The following PDE4D variants were observed in gnomAD, a reference collection of about 807,000 sequenced individuals.
PDE4D encodes the protein 3',5'-cyclic-AMP phosphodiesterase 4D.
In PDE4D, 24 loss-of-function variants were observed where a neutral mutation model predicts 87.4. The ratio of observed to expected loss-of-function variants is 0.27; its 90% CI spans 0.20 to 0.39. The LOEUF (loss-of-function observed/expected upper bound fraction) is 0.39, where lower values mean the gene tolerates loss of function less well. Ranked by LOEUF, PDE4D falls within the 10% of genes least tolerant of loss-of-function variation. The probability of loss-of-function intolerance (pLI) is 1.00; values close to 1 mark genes in which losing one functional copy is unlikely to be tolerated. For missense variants in PDE4D, 714 were observed against 1,041.0 expected (o/e 0.69, Z 4.32); for synonymous variants, 384 against 383.2 (o/e 1.00, Z -0.02).
At chr5:59,943,395 T>C (rs1226616024) in intron 3 of PDE4D, among the ~76,000 whole-genome samples, 2 of 152,104 alleles carry the variant, frequency 1.3e-5, no homozygotes, top group African/African-American at 4.8e-5. Context: ...CCCAAGCTAA[T>C]ATCATAGATA....
At chr5:59,358,019 C>T (rs1173316163) in intron 1 of PDE4D, among the ~76,000 whole-genome samples, 2 of 152,188 alleles carry the variant, frequency 1.3e-5, no homozygotes, top group African/African-American at 2.4e-5. Context: ...GTGAACATCA[C>T]CATATCTGCA....
At chr5:60,304,681 G>T (rs997708030) in intron 1 of PDE4D, among the ~76,000 whole-genome samples, 4 of 148,542 alleles carry the variant, frequency 2.7e-5, no homozygotes, top group Admixed American at 1.3e-4. Flanking sequence ...AAAAGAAATG[G>T]AGAGAGAAAA....
intron 1 of PDE4D, among the ~76,000 whole-genome samples, chr5:59,347,034 G>T (rs1250637087): frequency 1.3e-5 from 2 of 152,064 alleles, no homozygotes; most frequent in African/African-American, 4.8e-5. Context: ...CACTAAAGTG[G>T]CCACTCTTTC....
At position 59,667,650 on chromosome 5, in the gene PDE4D, T is replaced by C. The variant is rs999557613; in HGVS notation, c.455+225518A>G. The stretch of plus-strand genomic sequence containing the variant: ...AGAATCATCTTAGATGTCTCACTCT[T>C]TTTCAAGCGCCATATTAGTTTGTGT... On this transcript the variant is annotated intron_variant, in intron 1 of 14. Coordinates refer to ENST00000340635, the MANE Select transcript of PDE4D (RefSeq NM_001104631.2). 2.6e-5 allele frequency among the ~76,000 whole-genome samples: 4 copies of C among 152,172 alleles called. No individual in the cohort carries two copies. The East Asian group carries it at 5.8e-4, about 22-fold the overall frequency.
intron 5 of PDE4D, among the ~76,000 whole-genome samples, chr5:59,118,349 C>A (rs1388839758): frequency 6.6e-6 from 1 of 152,182 alleles, no homozygotes; most frequent in African/African-American, 2.4e-5. Context: ...TCTATCAATT[C>A]AACCACCTCT....
chr5:58,995,997 ATGAAGC>A, intron 6 of PDE4D, among the ~76,000 whole-genome samples: 1 of 115,838 alleles, frequency 8.6e-6, no homozygotes, highest in Middle Eastern at 4.9e-3. Context: ...AGGGACATGG[ATGAAGC>A]TGGAAACCAT....
intron 3 of PDE4D, among the ~76,000 whole-genome samples, chr5:59,949,529 C>T (rs772732749): frequency 6.6e-6 from 1 of 150,560 alleles, no homozygotes; most frequent in African/African-American, 2.4e-5. Flanking sequence ...TCTGGTTTAA[C>T]TATGAGACAT....
intron 3 of PDE4D, among the ~76,000 whole-genome samples, chr5:59,185,826 T>C (rs8180419): frequency 0.68 from 103,721 of 152,078 alleles, 35,612 homozygotes; most frequent in Non-Finnish European, 0.72. Flanking sequence ...ATGCGTTTCT[T>C]ATGTAAAATG....
At chr5:59,394,157 A>C (rs565248316) in intron 1 of PDE4D, among the ~76,000 whole-genome samples, 1 of 152,290 alleles carries the variant, frequency 6.6e-6, no homozygotes, top group African/African-American at 2.4e-5. Context: ...TCTGCTATCT[A>C]TATTGGCAGA....
intron 1 of PDE4D, among the ~76,000 whole-genome samples, chr5:59,439,912 G>A (rs1335365494): frequency 6.6e-6 from 1 of 152,144 alleles, no homozygotes; most frequent in East Asian, 1.9e-4. Context: ...AAATAAATTA[G>A]GAAGTGAGTG....
rs1742457539 is a variant in PDE4D at position 58,970,706 on chromosome 5, A to G, written c.*3958T>C. ...GTGGAAGAAAAATTTTAGGATTAAA[A>G]AACAGTATTTTCTCTTTAATGTATT... On this transcript the variant is annotated 3_prime_UTR_variant, in exon 15 of 15. Transcript: ENST00000340635. The G allele has an allele frequency of 6.6e-6, 1 of 152,180 alleles. No individual in the cohort carries two copies. The highest frequency in any genetic ancestry group is 6.5e-5 in the Admixed American group (1 of 15,268). The allele number at this position is 152,180 out of a possible 1,614,324, so 9.4% of individuals were successfully genotyped here. A position where few individuals can be genotyped will look rare whatever the true frequency, so the allele number is the denominator to read the frequency against.
At chr5:60,214,743 C>T (rs1222035245) in intron 1 of PDE4D, among the ~76,000 whole-genome samples, 1 of 152,026 alleles carries the variant, frequency 6.6e-6, no homozygotes, top group Non-Finnish European at 1.5e-5. Flanking sequence ...TTAATACTTA[C>T]TTAGAATAGA....
intron 1 of PDE4D, among the ~76,000 whole-genome samples, chr5:60,514,865 G>A (rs1369334533): frequency 1.3e-5 from 2 of 152,004 alleles, no homozygotes; most frequent in Admixed American, 1.3e-4. Flanking sequence ...GGGAAAACAA[G>A]AAAAGGCATA....
intron 2 of PDE4D, among the ~76,000 whole-genome samples, chr5:60,134,939 C>T (rs561201151): frequency 2.0e-5 from 3 of 152,270 alleles, no homozygotes; most frequent in African/African-American, 7.2e-5. Flanking sequence ...ACTCCATACA[C>T]ACACATAGAA....
intron 1 of PDE4D, among the ~76,000 whole-genome samples, chr5:59,647,538 T>C (rs555575036): frequency 6.6e-6 from 1 of 152,154 alleles, no homozygotes; most frequent in East Asian, 1.9e-4. Flanking sequence ...GTTCAGGTTA[T>C]GACACACTTT....
intron 11 of PDE4D, among the ~76,000 whole-genome samples, chr5:58,981,347 T>C (rs1283748712): frequency 6.6e-6 from 1 of 152,116 alleles, no homozygotes; most frequent in Non-Finnish European, 1.5e-5. Flanking sequence ...CACTAACACA[T>C]TCCCCAGAAG....
chr5:59,662,751 A>G (rs1242411899), intron 1 of PDE4D, among the ~76,000 whole-genome samples: 1 of 152,222 alleles, frequency 6.6e-6, no homozygotes. Context: ...ATAATATTCC[A>G]TATGTGAAAC....
At chr5:59,078,916 C>T (rs1337918101) in intron 5 of PDE4D, among the ~76,000 whole-genome samples, 1 of 152,064 alleles carries the variant, frequency 6.6e-6, no homozygotes, top group Admixed American at 6.6e-5. Flanking sequence ...AAGAGTGAGA[C>T]GTTTGGTCCC....
intron 5 of PDE4D, among the ~76,000 whole-genome samples, chr5:59,048,665 A>G (rs1432066091): frequency 1.3e-5 from 2 of 152,192 alleles, no homozygotes; most frequent in Non-Finnish European, 2.9e-5. Context: ...TCAGGGGTAC[A>G]TGTTTTCTAT....
Sources: allele counts gnomAD v4.1 joint callset (sites outside exome capture counted in the v4.1 genomes callset), GRCh38; gene constraint gnomAD v4.1.1; transcripts MANE v1.5; gene names NCBI Gene and HGNC (gene_info 2026-07-23, HGNC 2026-07-21).